Variants in WWOX observed in about 807,000 individuals in gnomAD.
WWOX encodes WW domain-containing oxidoreductase.
WWOX carries 69 observed loss-of-function variants against 46.2 expected under a neutral mutation model. The ratio of observed to expected loss-of-function variants is 1.49; its 90% CI spans 1.23 to 1.82. The LOEUF is 1.82. WWOX is among the 40% of genes most tolerant of loss of function. WWOX has a pLI of 0.00. For missense variants in WWOX, 919 were observed against 542.6 expected (o/e 1.69, Z -6.89); for synonymous variants, 359 against 202.6 (o/e 1.77, Z -6.56).
chr16:78,651,971 T>C (rs2046975242), intron 8 of WWOX, among the ~76,000 whole-genome samples: 1 of 152,080 alleles, frequency 6.6e-6, no homozygotes, highest in Non-Finnish European at 1.5e-5. Flanking sequence ...AGTTACATTA[T>C]TATGAGGATT....
At chr16:78,711,815 C>T (rs1289789748) in intron 8 of WWOX, among the ~76,000 whole-genome samples, 2 of 152,164 alleles carry the variant, frequency 1.3e-5, no homozygotes, top group African/African-American at 4.8e-5. Flanking sequence ...CACACACTCT[C>T]CCACTGTAAA....
chr16:78,805,248 A>G (rs1199479618), intron 8 of WWOX, among the ~76,000 whole-genome samples: 1 of 152,132 alleles, frequency 6.6e-6, no homozygotes, highest in Non-Finnish European at 1.5e-5. Flanking sequence ...AATCCAAAAC[A>G]GCATATATAT....
intron 8 of WWOX, among the ~76,000 whole-genome samples, chr16:78,974,362 T>C (rs2046530661): frequency 6.6e-6 from 1 of 152,186 alleles, no homozygotes; most frequent in African/African-American, 2.4e-5. Context: ...AACATCTTAA[T>C]TGAACAGTAC....
intron 5 of WWOX, among the ~76,000 whole-genome samples, chr16:78,316,686 G>A (rs1044670198): frequency 2.0e-5 from 3 of 152,128 alleles, no homozygotes; most frequent in African/African-American, 4.8e-5. Flanking sequence ...GTTAACTTCT[G>A]TATTGTCTTT....
At chr16:78,386,580 G>T (rs1000643056) in intron 5 of WWOX, among the ~76,000 whole-genome samples, 17 of 152,158 alleles carry the variant, frequency 1.1e-4, no homozygotes, top group African/African-American at 3.9e-4. Flanking sequence ...AGCCCGAAGC[G>T]CCTTTGCAGC....
At chr16:78,627,280 T>C (rs569889105) in intron 8 of WWOX, among the ~76,000 whole-genome samples, 1 of 152,296 alleles carries the variant, frequency 6.6e-6, no homozygotes, top group South Asian at 2.1e-4. Context: ...CAAACCTGAT[T>C]GGCCAACTAG....
intron 8 of WWOX, among the ~76,000 whole-genome samples, chr16:78,726,468 A>G (rs892034837): frequency 2.6e-5 from 4 of 151,990 alleles, no homozygotes; most frequent in Admixed American, 2.6e-4. Context: ...TCCTGGCCTC[A>G]AGGGATTCTC....
intron 5 of WWOX, among the ~76,000 whole-genome samples, chr16:78,173,195 G>C (rs1400353479): frequency 6.6e-6 from 1 of 152,188 alleles, no homozygotes; most frequent in Admixed American, 6.5e-5. Flanking sequence ...TGGAATAGAG[G>C]TAGCCCCAGC....
chr16:78,906,679 G>A (rs1597133517), intron 8 of WWOX, among the ~76,000 whole-genome samples: 1 of 152,222 alleles, frequency 6.6e-6, no homozygotes, highest in Non-Finnish European at 1.5e-5. Context: ...GCATTTTGTT[G>A]TGGTGTGGGA....
chr16:79,206,579 T>C (rs1442615579), intron 8 of WWOX: 2 of 152,240 alleles, frequency 1.3e-5, no homozygotes, highest in African/African-American at 4.8e-5. Flanking sequence ...TAGTCATTGA[T>C]GTCACTTGAA....
intron 5 of WWOX, among the ~76,000 whole-genome samples, chr16:78,338,724 A>C (rs566313606): frequency 8.2e-6 from 1 of 121,468 alleles, no homozygotes; most frequent in South Asian, 2.5e-4. Context: ...GATTGTCTAC[A>C]TGTTTACAAG....
At chr16:78,982,011 A>C (rs199622571) in intron 8 of WWOX, among the ~76,000 whole-genome samples, 1 of 152,260 alleles carries the variant, frequency 6.6e-6, no homozygotes, top group African/African-American at 2.4e-5. Flanking sequence ...TCTCAGTTTC[A>C]ACATCTGTCT....
intron 8 of WWOX, among the ~76,000 whole-genome samples, chr16:79,022,208 A>T (rs1036609222): frequency 2.0e-5 from 3 of 152,122 alleles, no homozygotes; most frequent in South Asian, 2.1e-4. Flanking sequence ...CTGGGGATGG[A>T]GCTTTAGGCT....
intron 8 of WWOX, among the ~76,000 whole-genome samples, chr16:79,000,175 G>T (rs567677833): frequency 6.6e-6 from 1 of 152,188 alleles, no homozygotes; most frequent in South Asian, 2.1e-4. Context: ...CCCCTTCACT[G>T]GGCTCCGAAG....
intron 8 of WWOX, chr16:78,896,556 C>G (rs1007654970): frequency 6.6e-6 from 1 of 152,148 alleles, no homozygotes; most frequent in African/African-American, 2.4e-5. Flanking sequence ...GCAAACGCAT[C>G]ATAATGACCT....
rs573634933 is a variant in WWOX, at chr16:78,334,917, C to G, written c.517-51943C>G. ...ATTAAACTCATTGAGGAGATACCAT[C>G]TTTTTTTAAAAAAAAAAAAAAGGCA... On this transcript the variant is annotated intron_variant, in intron 5 of 8. Coordinates refer to ENST00000566780, the MANE Select transcript of WWOX (RefSeq NM_016373.4). Among the ~76,000 whole-genome samples the G allele has an allele frequency of 7.0e-3, 764 of 109,864 alleles. 11 individuals are homozygous for G. Among genetic ancestry groups the G allele is most frequent in the African/African-American group, 0.034 (742 of 21,836 alleles). The allele number at this position is 109,864 out of a possible 152,430, so 72.1% of individuals were successfully genotyped here.
chr16:78,803,038 C>T (rs1289804984), intron 8 of WWOX, among the ~76,000 whole-genome samples: 2 of 149,050 alleles, frequency 1.3e-5, no homozygotes, highest in Non-Finnish European at 3.0e-5. Flanking sequence ...TGTACTGTGG[C>T]CAGTAGGTGC....
chr16:78,760,260 C>G (rs1256790661), intron 8 of WWOX, among the ~76,000 whole-genome samples: 1 of 152,098 alleles, frequency 6.6e-6, no homozygotes, highest in African/African-American at 2.4e-5. Context: ...ACCATGAGAA[C>G]AATATGGGAG....
chr16:78,934,700 C>G (rs1182312500), intron 8 of WWOX, among the ~76,000 whole-genome samples: 2 of 152,048 alleles, frequency 1.3e-5, no homozygotes, highest in East Asian at 1.9e-4. Flanking sequence ...AGCATTTAAA[C>G]TCTTATTTGA....
Sources: gnomAD v4.1 joint callset for allele counts (sites outside exome capture counted in the v4.1 genomes callset) on GRCh38, gnomAD v4.1.1 for gene constraint, MANE v1.5 for transcripts, NCBI Gene and HGNC (gene_info 2026-07-23, HGNC 2026-07-21) for gene names.